PTPRT: variants seen among roughly 807,000 people sequenced by gnomAD.
The protein encoded by PTPRT is receptor-type tyrosine-protein phosphatase T.
A neutral mutation model predicts 176.8 loss-of-function variants in PTPRT; 56 were observed. The observed-to-expected ratio is 0.32, with a 90% CI of 0.26 to 0.40. The LOEUF is 0.40. PTPRT is among the 10% of genes least tolerant of loss of function. The pLI is 1.00. For synonymous variants in PTPRT, 783 were observed against 739.0 expected, an observed-to-expected ratio of 1.06 and a Z score of -0.96; for missense variants, 1,540 against 1,908.2, an observed-to-expected ratio of 0.81 and a Z score of 3.60.
chr20:42,369,600 G>A (rs1379050295), intron 9 of PTPRT, among the ~76,000 whole-genome samples: 2 of 152,174 alleles, frequency 1.3e-5, no homozygotes, highest in Non-Finnish European at 2.9e-5. Flanking sequence ...AGATAGTGGG[G>A]GCCAGAGTTA....
chr20:42,559,293 C>T (rs578230583), intron 7 of PTPRT, among the ~76,000 whole-genome samples: 5 of 152,166 alleles, frequency 3.3e-5, no homozygotes, highest in South Asian at 4.2e-4. Flanking sequence ...TTGTCTTCAT[C>T]GTCTTTCTTT....
intron 2 of PTPRT, among the ~76,000 whole-genome samples, chr20:42,856,045 C>T (rs208268): frequency 0.27 from 40,961 of 152,086 alleles, 8,192 homozygotes; most frequent in African/African-American, 0.56. Context: ...CTCATTAAAG[C>T]AGCTGACTCA....
In PTPRT at chr20:42,106,646, G is replaced by A. The variant is rs144145260; in HGVS notation, c.3390+140C>T. 372 of 1,148,116 alleles carry A rather than the reference G, an allele frequency of 3.2e-4. No homozygotes were observed. In the African/African-American group the frequency reaches 4.9e-3, roughly 15 times the overall value. 71.1% of individuals were successfully genotyped at this position (1,148,116 alleles called of 1,614,324 possible). On this transcript the variant is annotated intron_variant, in intron 24 of 30. Coordinates refer to ENST00000373187, the MANE Select transcript of PTPRT (RefSeq NM_007050.6). ...CAGTAGTCTCACCATAGTAAGCCAC[G>A]TGTCTACTCCCTCCTGCTTCTCTCA... is the stretch of plus-strand genomic sequence containing the variant.
intron 18 of PTPRT, among the ~76,000 whole-genome samples, chr20:42,131,659 A>G (rs1251511936): frequency 2.0e-5 from 3 of 152,222 alleles, no homozygotes; most frequent in African/African-American, 7.2e-5. Context: ...CTGCACACCT[A>G]CTATGTGCCA....
chr20:42,790,322 G>T (rs208246), intron 3 of PTPRT, among the ~76,000 whole-genome samples: 1 of 151,610 alleles, frequency 6.6e-6, no homozygotes, highest in Non-Finnish European at 1.5e-5. Context: ...CAATCTGTGC[G>T]CTGTGTGCAT....
At chr20:42,694,181 GGCAC>G (rs1187556813) in intron 6 of PTPRT, among the ~76,000 whole-genome samples, 1 of 151,864 alleles carries the variant, frequency 6.6e-6, no homozygotes, top group Non-Finnish European at 1.5e-5. Flanking sequence ...TGGGACTACA[GGCAC>G]CCGCCACCAT....
chr20:42,316,165 T>G (rs2057718845), intron 11 of PTPRT, among the ~76,000 whole-genome samples, 169 bp from the exon 12 acceptor site: 1 of 152,136 alleles, frequency 6.6e-6, no homozygotes, highest in Admixed American at 6.5e-5. Context: ...TTGTAGAACT[T>G]TACCTCCACT....
intron 7 of PTPRT, among the ~76,000 whole-genome samples, chr20:42,597,835 A>G (rs1381318996): frequency 1.3e-5 from 2 of 152,304 alleles, no homozygotes; most frequent in East Asian, 3.9e-4. Context: ...AGTTCCACCC[A>G]TGCCCAAAGG....
intron 1 of PTPRT, among the ~76,000 whole-genome samples, chr20:43,017,509 G>A (rs886344426): frequency 5.3e-5 from 8 of 152,060 alleles, no homozygotes; most frequent in Non-Finnish European, 1.0e-4. Flanking sequence ...TTCCCCCTCT[G>A]CATCTGTTTG....
At chr20:42,154,108 T>C (rs887682106) in intron 17 of PTPRT, among the ~76,000 whole-genome samples, 5 of 152,162 alleles carry the variant, frequency 3.3e-5, no homozygotes, top group African/African-American at 1.2e-4. Context: ...AAGAACCCCA[T>C]GGATTTCCCA....
chr20:42,563,703 G>C (rs1568979794), intron 7 of PTPRT, among the ~76,000 whole-genome samples: 1 of 152,164 alleles, frequency 6.6e-6, no homozygotes, highest in Non-Finnish European at 1.5e-5. Flanking sequence ...ATCATGGAGA[G>C]CTGTTCATAT....
intron 1 of PTPRT, among the ~76,000 whole-genome samples, chr20:43,113,717 T>C (rs1359728643): frequency 1.3e-5 from 2 of 152,136 alleles, no homozygotes; most frequent in African/African-American, 4.8e-5. Flanking sequence ...AGTGGAAAGA[T>C]CAAAGGCTTG....
intron 7 of PTPRT, among the ~76,000 whole-genome samples, chr20:42,513,096 G>A (rs1347505252): frequency 6.6e-6 from 1 of 152,022 alleles, no homozygotes; most frequent in Non-Finnish European, 1.5e-5. Flanking sequence ...CTGACCTCAG[G>A]TGATCCACCC....
intron 2 of PTPRT, among the ~76,000 whole-genome samples, chr20:42,819,435 C>T (rs2077850658): frequency 6.6e-6 from 1 of 152,174 alleles, no homozygotes; most frequent in Non-Finnish European, 1.5e-5. Context: ...AGGTACTAGC[C>T]ACTGCAAAAA....
intron 9 of PTPRT, among the ~76,000 whole-genome samples, chr20:42,446,108 T>C (rs2070727696): frequency 6.6e-6 from 1 of 152,174 alleles, no homozygotes; most frequent in Admixed American, 6.6e-5. Context: ...AAAAAGTATA[T>C]TACTCTCAAG....
chr20:42,452,480 G>A (rs2070849573), intron 8 of PTPRT, among the ~76,000 whole-genome samples: 1 of 151,960 alleles, frequency 6.6e-6, no homozygotes, highest in Admixed American at 6.6e-5. Flanking sequence ...TGAGAAGTGG[G>A]GTGAAGCCAT....
chr20:42,352,024 G>A, intron 10 of PTPRT, 60 bp downstream of exon 10: 2 of 1,536,452 alleles, frequency 1.3e-6, no homozygotes, highest in South Asian at 1.1e-5. Flanking sequence ...CCACTTCAAG[G>A]AAAATCAGGA....
intron 7 of PTPRT, among the ~76,000 whole-genome samples, chr20:42,624,494 AT>A (rs2074257461): frequency 6.6e-6 from 1 of 152,192 alleles, no homozygotes; most frequent in Admixed American, 6.5e-5. Flanking sequence ...AAAATTAACG[AT>A]TTTTAAAAGT....
intron 1 of PTPRT, among the ~76,000 whole-genome samples, chr20:43,134,553 T>G (rs916257256): frequency 6.6e-6 from 1 of 152,110 alleles, no homozygotes; most frequent in Non-Finnish European, 1.5e-5. Context: ...TGGCTATAAA[T>G]CTCCTCTTGC....
Sources: allele counts gnomAD v4.1 joint callset (sites outside exome capture counted in the v4.1 genomes callset), GRCh38; gene constraint gnomAD v4.1.1; transcripts MANE v1.5; gene names NCBI Gene and HGNC (gene_info 2026-07-23, HGNC 2026-07-21).